Variants in GRID2 observed in about 807,000 individuals in gnomAD.
GRID2 encodes the protein glutamate ionotropic receptor delta type subunit 2.
Under a neutral mutation model 114.8 loss-of-function variants are expected in GRID2, and 33 were observed. The ratio of observed to expected loss-of-function variants is 0.29; its 90% CI spans 0.22 to 0.38. The LOEUF is 0.38. Ranked by LOEUF, GRID2 falls within the 10% of genes least tolerant of loss-of-function variation. The pLI is 1.00. For synonymous variants in GRID2, 505 were observed against 449.9 expected (o/e 1.12, Z -1.55); for missense variants, 1,184 against 1,257.7 (o/e 0.94, Z 0.89).
At chr4:93,419,009 T>C (rs1053037903) in intron 9 of GRID2, among the ~76,000 whole-genome samples, 1 of 151,738 alleles carries the variant, frequency 6.6e-6, no homozygotes, top group African/African-American at 2.4e-5. Context: ...TGAGTTGAGA[T>C]TCTTCCTAAG....
intron 1 of GRID2, among the ~76,000 whole-genome samples, chr4:92,337,118 A>T (rs957378906): frequency 6.6e-6 from 1 of 151,930 alleles, no homozygotes; most frequent in Non-Finnish European, 1.5e-5. Flanking sequence ...TCAGAGCCAT[A>T]TCTCCATTAT....
rs1173973447 is a variant in GRID2 at position 93,171,721 on chromosome 4, A to G, written c.736-35683A>G. Among the ~76,000 whole-genome samples the G allele has an allele frequency of 2.6e-5, 4 of 152,340 alleles. No homozygotes were observed. The East Asian group carries it at 7.7e-4, about 29-fold the overall frequency. ...GGAAAGAGAAAATAATTACTCTCAT[A>G]TAGGCATATATTGTTATTTATTTCC... is the stretch of plus-strand genomic sequence containing the variant. On this transcript the variant is annotated intron_variant, in intron 4 of 15. Coordinates refer to ENST00000282020, the MANE Select transcript of GRID2 (RefSeq NM_001510.4).
intron 4 of GRID2, among the ~76,000 whole-genome samples, chr4:93,129,459 C>G: frequency 6.6e-6 from 1 of 152,186 alleles, no homozygotes; most frequent in East Asian, 1.9e-4. Flanking sequence ...CGCAAGGATT[C>G]TGGCATCGAG....
At chr4:92,653,596 A>G (rs532820754) in intron 2 of GRID2, among the ~76,000 whole-genome samples, 3 of 152,084 alleles carry the variant, frequency 2.0e-5, no homozygotes, top group Admixed American at 1.3e-4. Flanking sequence ...TTTTCTATCA[A>G]ATATATTTTG....
intron 2 of GRID2, among the ~76,000 whole-genome samples, chr4:92,856,677 T>C (rs905742045): frequency 5.3e-5 from 8 of 152,172 alleles, no homozygotes; most frequent in Admixed American, 4.6e-4. Flanking sequence ...CAAAAACTTC[T>C]CTCCTGTGAA....
chr4:93,728,065 T>C (rs1730108018), intron 14 of GRID2, among the ~76,000 whole-genome samples: 1 of 152,178 alleles, frequency 6.6e-6, no homozygotes, highest in Admixed American at 6.5e-5. Flanking sequence ...CTAGTTCTTT[T>C]AATTGTGATG....
At position 92,848,958 on chromosome 4, in the gene GRID2, T is replaced by A. The variant is rs1429390235; in HGVS notation, c.245-236037T>A. Among the ~76,000 whole-genome samples, 3 of 151,934 alleles carry A rather than the reference T, an allele frequency of 2.0e-5. No homozygotes were observed. The Admixed American group carries it at 2.0e-4, about 10-fold the overall frequency. ...TAACTAAACTCCTGACACCTTGATT[T>A]GTATTTTTAGCCTCCAAACTGTGGG... On this transcript the variant is annotated intron_variant, in intron 2 of 15. Coordinates refer to ENST00000282020, the MANE Select transcript of GRID2 (RefSeq NM_001510.4).
At chr4:93,089,071 T>G (rs903747091) in intron 3 of GRID2, among the ~76,000 whole-genome samples, 4 of 152,130 alleles carry the variant, frequency 2.6e-5, no homozygotes, top group Non-Finnish European at 5.9e-5. Flanking sequence ...TTATTATTTT[T>G]ACAAATGAAA....
At chr4:93,751,297 G>T (rs1207683968) in intron 14 of GRID2, among the ~76,000 whole-genome samples, 1 of 152,100 alleles carries the variant, frequency 6.6e-6, no homozygotes, top group African/African-American at 2.4e-5. Flanking sequence ...CTATCCATTT[G>T]CTCTTTGTTG....
chr4:92,882,410 A>G (rs1402749978), intron 2 of GRID2, among the ~76,000 whole-genome samples: 3 of 152,230 alleles, frequency 2.0e-5, no homozygotes, highest in African/African-American at 4.8e-5. Flanking sequence ...CAAGACTTTT[A>G]AATAATGTAA....
chr4:92,872,817 A>C, intron 2 of GRID2, among the ~76,000 whole-genome samples: 1 of 152,240 alleles, frequency 6.6e-6, no homozygotes, highest in South Asian at 2.1e-4. Flanking sequence ...AATTGCAGGG[A>C]AAGGCAAAGG....
chr4:92,450,939 T>G (rs1720893978), intron 1 of GRID2, among the ~76,000 whole-genome samples: 1 of 149,894 alleles, frequency 6.7e-6, no homozygotes, highest in Admixed American at 6.6e-5. Context: ...TAAATTAAAA[T>G]AAATTTAATT....
intron 14 of GRID2, among the ~76,000 whole-genome samples, chr4:93,634,272 G>A (rs1721213415): frequency 6.6e-6 from 1 of 152,084 alleles, no homozygotes; most frequent in Admixed American, 6.6e-5. Context: ...GGATATGAGA[G>A]CAGGTGCAGG....
At chr4:92,489,451 A>G (rs1352059435) in intron 1 of GRID2, among the ~76,000 whole-genome samples, 1 of 152,194 alleles carries the variant, frequency 6.6e-6, no homozygotes, top group Admixed American at 6.6e-5. Context: ...GTGCAGAGGA[A>G]TATTTCCATG....
At chr4:93,307,660 A>G (rs190329567) in intron 8 of GRID2, among the ~76,000 whole-genome samples, 2 of 152,266 alleles carry the variant, frequency 1.3e-5, no homozygotes, top group African/African-American at 4.8e-5. Flanking sequence ...TCCTCTCAAA[A>G]GGAACATAGT....
chr4:92,416,825 G>A lies in GRID2; in HGVS notation c.88+112081G>A, dbSNP rs540011254. Among the ~76,000 whole-genome samples the A allele has an allele frequency of 1.5e-4, 23 of 152,126 alleles. No homozygotes were observed. In the South Asian group the frequency reaches 2.5e-3, roughly 16 times the overall value. ...ACTATAGCTTGTAGTATAGTTTGAC[G>A]TTGGGTAATGTGATGCCTCTGGATT... On this transcript the variant is annotated intron_variant, in intron 1 of 15. Transcript: ENST00000282020.
intron 1 of GRID2, among the ~76,000 whole-genome samples, chr4:92,545,766 T>G (rs1433244673): frequency 6.6e-6 from 1 of 152,200 alleles, no homozygotes; most frequent in Non-Finnish European, 1.5e-5. Context: ...GCTGCGACAC[T>G]CATTTCATCT....
chr4:93,388,238 A>G, intron 8 of GRID2, among the ~76,000 whole-genome samples: 1 of 152,144 alleles, frequency 6.6e-6, no homozygotes, highest in East Asian at 1.9e-4. Context: ...TCATTAAAGA[A>G]TTGCAGGTGT....
At chr4:92,512,114 A>G (rs1724282990) in intron 1 of GRID2, among the ~76,000 whole-genome samples, 1 of 151,776 alleles carries the variant, frequency 6.6e-6, no homozygotes. Flanking sequence ...TACAAGTGGA[A>G]TCATGTAGTA....
Sources: gnomAD v4.1 joint callset for allele counts (sites outside exome capture counted in the v4.1 genomes callset) on GRCh38, gnomAD v4.1.1 for gene constraint, MANE v1.5 for transcripts, NCBI Gene and HGNC (gene_info 2026-07-23, HGNC 2026-07-21) for gene names.